ACOD1: variants seen among roughly 807,000 people sequenced by gnomAD.
ACOD1 encodes the protein aconitate decarboxylase 1.
A neutral mutation model predicts 14.2 loss-of-function variants in ACOD1; 14 were observed. That is an observed-to-expected ratio of 0.99 (90% CI 0.65 to 1.54). ACOD1 has a LOEUF of 1.54. ACOD1 is among the 40% of genes most tolerant of loss of function. ACOD1 has a pLI of 0.00. For synonymous variants in ACOD1, 182 were observed against 221.7 expected, an observed-to-expected ratio of 0.82 and a Z score of 1.59; for missense variants, 530 against 586.3, an observed-to-expected ratio of 0.90 and a Z score of 0.99.
intron 1 of ACOD1, among the ~76,000 whole-genome samples, chr13:76,948,834 A>C (rs1029211999): frequency 6.6e-6 from 1 of 152,234 alleles, no homozygotes; most frequent in Non-Finnish European, 1.5e-5. Flanking sequence ...TTATGTGTCC[A>C]TTATGACGCT....
intron 1 of ACOD1, among the ~76,000 whole-genome samples, chr13:76,951,862 C>T (rs1333282858): frequency 6.6e-6 from 1 of 152,086 alleles, no homozygotes; most frequent in Non-Finnish European, 1.5e-5. Context: ...TCAGCAAGAA[C>T]CCCAGGCAGT....
chr13:76,952,266 A>G (rs1163611303), intron 1 of ACOD1, among the ~76,000 whole-genome samples: 1 of 152,062 alleles, frequency 6.6e-6, no homozygotes, highest in Non-Finnish European at 1.5e-5. Context: ...CTCAACTGAG[A>G]AGATAAACTG....
Position 76,955,538 on chromosome 13 carries a change from T to C in ACOD1, c.470+14T>C. 1 of 1,547,932 alleles carries C rather than the reference T, an allele frequency of 6.5e-7. No homozygotes were observed. On this transcript the variant is annotated intron_variant, in intron 4 of 4. Coordinates refer to ENST00000377462, the MANE Select transcript of ACOD1 (RefSeq NM_001258406.2). The stretch of plus-strand genomic sequence containing the variant: ...CATGCCAAAGAGGTATGGAGAGAAT[T>C]TGCCCCATCAAAAGGTAGTCACATC...
intron 1 of ACOD1, among the ~76,000 whole-genome samples, chr13:76,948,990 G>A (rs1404381000): frequency 2.0e-5 from 3 of 152,206 alleles, no homozygotes; most frequent in African/African-American, 7.2e-5. Context: ...TGTGGGCCGG[G>A]CACAGTGGCT....
Position 76,957,763 on chromosome 13 carries a change from C to T in ACOD1, c.1224C>T (p.His408=), listed in dbSNP as rs1281042904. 21 of 1,550,590 alleles carry T rather than the reference C, an allele frequency of 1.4e-5. No homozygotes were observed. The highest frequency in any genetic ancestry group is 1.8e-5 in the Non-Finnish European group (21 of 1,147,030). ...FTDRSDTFYG[H]WRKPLSQEDL... is the part of the protein sequence containing the mutation. ...ATCGCTCTGATACCTTCTATGGGCA[C>T]TGGAGAAAACCACTGAGCCAGGAGG... The change falls in exon 5 of 5, where the codon CAC becomes CAT. Residue 408 remains histidine (H), a synonymous_variant. Transcript: ENST00000377462.
Position 76,957,780 on chromosome 13 carries a change from G to T in ACOD1, c.1241G>T (p.Ser414Ile). Residue 414 changes from serine to isoleucine, a missense_variant, in exon 5 of 5, where the codon AGC becomes ATC. Ser to Ile is a moderately radical substitution (Grantham distance 142). Transcript: ENST00000377462. The part of the protein sequence containing the change: ...TFYGHWRKPL[S>I]QEDLEEKFRA... ...TATGGGCACTGGAGAAAACCACTGA[G>T]CCAGGAGGACCTAGAGGAAAAGTTC... The T allele has an allele frequency of 8.4e-6, 13 of 1,550,828 alleles. No individual in the cohort carries two copies. The highest frequency in any genetic ancestry group is 1.1e-5 in the Non-Finnish European group (13 of 1,147,054).
At chr13:76,956,064 A>C (rs1050658986) in intron 4 of ACOD1, among the ~76,000 whole-genome samples, 2 of 152,224 alleles carry the variant, frequency 1.3e-5, no homozygotes, top group African/African-American at 4.8e-5. Context: ...AGATCTCAGC[A>C]ATCAATAGCT....
intron 1 of ACOD1, among the ~76,000 whole-genome samples, chr13:76,949,100 T>C (rs756588990): frequency 2.0e-5 from 3 of 152,044 alleles, no homozygotes; most frequent in Non-Finnish European, 4.4e-5. Context: ...ACCCGGTCTC[T>C]ACTAAGAATA....
chr13:76,948,539 A>C lies in ACOD1; in HGVS notation c.-20A>C, dbSNP rs1178309700. On this transcript the variant is annotated 5_prime_UTR_variant, in exon 1 of 5. Coordinates refer to ENST00000377462, the MANE Select transcript of ACOD1 (RefSeq NM_001258406.2). ...CCTCTGGTTCACTCCTCCTGAACTG[A>C]ACCTCTTCTTTACAACGAAATGATG... 1 of 1,548,516 alleles carries C rather than the reference A, an allele frequency of 6.5e-7. No individual in the cohort carries two copies. Among genetic ancestry groups the C allele is most frequent in the Non-Finnish European group, 8.7e-7 (1 of 1,145,746 alleles).
chr13:76,948,535 A>C lies in ACOD1; in HGVS notation c.-24A>C. 2 of 1,548,230 alleles carry C rather than the reference A, an allele frequency of 1.3e-6. No homozygotes were observed. ...TACTCCTCTGGTTCACTCCTCCTGA[A>C]CTGAACCTCTTCTTTACAACGAAAT... On this transcript the variant is annotated 5_prime_UTR_variant, in exon 1 of 5. Transcript: ENST00000377462.
At chr13:76,950,428 A>C (rs893036517) in intron 1 of ACOD1, among the ~76,000 whole-genome samples, 2 of 152,238 alleles carry the variant, frequency 1.3e-5, no homozygotes, top group Non-Finnish European at 2.9e-5. Flanking sequence ...ACAAAATAAC[A>C]GTCTACATAT....
intron 3 of ACOD1, 99 bp downstream of exon 3, chr13:76,953,788 T>A (rs1482695399): frequency 2.7e-6 from 2 of 732,276 alleles, no homozygotes; most frequent in Non-Finnish European, 4.8e-6. Context: ...ATTTTACAGA[T>A]GAAAGAACTG....
At chr13:76,949,553 T>C (rs941082693) in intron 1 of ACOD1, among the ~76,000 whole-genome samples, 3 of 152,070 alleles carry the variant, frequency 2.0e-5, no homozygotes, top group African/African-American at 7.2e-5. Flanking sequence ...CCTTCCTGTA[T>C]CACCAGCAGC....
Position 76,957,491 on chromosome 13 carries a change from T to C in ACOD1, c.952T>C (p.Tyr318His). Residue 318 changes from tyrosine (Y) to histidine (H), a missense_variant, in exon 5 of 5, where the codon TAT becomes CAT. Coordinates refer to ENST00000377462, the MANE Select transcript of ACOD1 (RefSeq NM_001258406.2). The stretch of plus-strand genomic sequence containing the variant: ...TGTGCTCAGGATACCAAATGTCCAG[T>C]ATGTAAACAGGCCCTTTCCAGTTTC... ...RIVLRIPNVQ[Y>H]VNRPFPVSEH... The C allele has an allele frequency of 6.4e-7, 1 of 1,550,578 alleles. No homozygotes were observed. Among genetic ancestry groups the C allele is most frequent in the African/African-American group, 1.4e-5 (1 of 73,164 alleles).
intron 3 of ACOD1, among the ~76,000 whole-genome samples, chr13:76,954,820 C>T (rs188482707): frequency 7.9e-5 from 12 of 152,210 alleles, no homozygotes; most frequent in Admixed American, 6.5e-5. Context: ...TCCCAGTGCC[C>T]GGCCATGTGA....
chr13:76,951,544 G>T (rs998536563), intron 1 of ACOD1, among the ~76,000 whole-genome samples: 2 of 140,134 alleles, frequency 1.4e-5, no homozygotes, highest in South Asian at 4.2e-4. Flanking sequence ...TCAATGAATA[G>T]AACATTGATT....
At position 76,957,522 on chromosome 13, in the gene ACOD1, A is replaced by G. The variant is rs754105498; in HGVS notation, c.983A>G (p.His328Arg). ...AACAGGCCCTTTCCAGTTTCGGAGCATGAAGCCCGTCATTCATTCCAGTAT... is the reference window on the plus strand; with the variant it reads ...AACAGGCCCTTTCCAGTTTCGGAGCGTGAAGCCCGTCATTCATTCCAGTAT... ...YVNRPFPVSE[H>R]EARHSFQYVA... Residue 328 changes from histidine (H) to arginine (R), a missense_variant, in exon 5 of 5, where the codon CAT becomes CGT. Physicochemically the swap from His to Arg is conservative, Grantham distance 29. Coordinates refer to ENST00000377462, the MANE Select transcript of ACOD1 (RefSeq NM_001258406.2). 10 of 1,550,618 alleles carry G rather than the reference A, an allele frequency of 6.4e-6. No individual in the cohort carries two copies. The South Asian group carries it at 1.2e-4, about 18-fold the overall frequency.
At chr13:76,952,031 A>G (rs1486889531) in intron 1 of ACOD1, among the ~76,000 whole-genome samples, 1 of 152,198 alleles carries the variant, frequency 6.6e-6, no homozygotes, top group Non-Finnish European at 1.5e-5. Context: ...ACCTGCAAAA[A>G]TAACTACCTA....
intron 2 of ACOD1, among the ~76,000 whole-genome samples, chr13:76,953,140 T>C (rs2033839071): frequency 6.6e-6 from 1 of 152,048 alleles, no homozygotes; most frequent in Non-Finnish European, 1.5e-5. Flanking sequence ...GACCTTGTCT[T>C]AAAAACAAAC....
Sources: gnomAD v4.1 joint callset for allele counts (sites outside exome capture counted in the v4.1 genomes callset) on GRCh38, gnomAD v4.1.1 for gene constraint, MANE v1.5 for transcripts, NCBI Gene and HGNC (gene_info 2026-07-23, HGNC 2026-07-21) for gene names.